PLCL2: variants seen among roughly 807,000 people sequenced by gnomAD.
The protein encoded by PLCL2 is inactive phospholipase C-like protein 2.
A neutral mutation model predicts 79.6 loss-of-function variants in PLCL2; 4 were observed. The ratio of observed to expected loss-of-function variants is 0.05; its 90% CI spans 0.02 to 0.11. The LOEUF is 0.11. PLCL2 is among the 10% of genes least tolerant of loss of function. The probability of loss-of-function intolerance (pLI) is 1.00; values close to 1 mark genes in which losing one functional copy is unlikely to be tolerated. For missense variants in PLCL2, 895 were observed against 1,291.0 expected (o/e 0.69, Z 4.70); for synonymous variants, 484 against 457.7 (o/e 1.06, Z -0.73).
At position 16,990,346 on chromosome 3, in the gene PLCL2, G is replaced by A. The variant is rs541342365; in HGVS notation, c.328-19328G>A. 2.6e-5 allele frequency among the ~76,000 whole-genome samples: 4 copies of A among 152,266 alleles called. No individual in the cohort carries two copies. In the East Asian group the frequency reaches 5.8e-4, roughly 22 times the overall value. ...CCTGACACCCAGTCTTTTTCACTTAGGTACTCTATAAAGGGCTGCCTGAGT... is the reference window on the plus strand; with the variant it reads ...CCTGACACCCAGTCTTTTTCACTTAAGTACTCTATAAAGGGCTGCCTGAGT... On this transcript the variant is annotated intron_variant, in intron 1 of 5. Transcript: ENST00000615277.
At chr3:16,971,775 A>C (rs2063871085) in intron 1 of PLCL2, among the ~76,000 whole-genome samples, 1 of 152,090 alleles carries the variant, frequency 6.6e-6, no homozygotes. Flanking sequence ...GTCCCTTGTA[A>C]GCTGGATTCC....
At chr3:16,966,739 G>T (rs967164706) in intron 1 of PLCL2, among the ~76,000 whole-genome samples, 25 of 152,040 alleles carry the variant, frequency 1.6e-4, no homozygotes, top group Non-Finnish European at 2.8e-4. Flanking sequence ...TCCTGGTTTA[G>T]TCTTGGGAGG....
At chr3:16,933,639 C>A (rs1178661929) in intron 1 of PLCL2, among the ~76,000 whole-genome samples, 1 of 151,600 alleles carries the variant, frequency 6.6e-6, no homozygotes, top group Non-Finnish European at 1.5e-5. Flanking sequence ...TTTTTTTTAA[C>A]CTTACACTAT....
At position 16,886,262 on chromosome 3, in the gene PLCL2, G is replaced by A. The variant is rs1260581492; in HGVS notation, c.327+896G>A. On this transcript the variant is annotated intron_variant, in intron 1 of 5. Transcript: ENST00000615277. The surrounding 1 kb of genome is among the most constrained non-coding windows in gnomAD (Gnocchi z 4.2). Reference sequence around the variant, plus strand: ...AAGAGCAGAGCCTTAGGCAAGACCAGCTCATTCGGCTCGCTCAAGTTTGGA... The same window carrying A: ...AAGAGCAGAGCCTTAGGCAAGACCAACTCATTCGGCTCGCTCAAGTTTGGA... Among the ~76,000 whole-genome samples, 1 of 152,206 alleles carries A rather than the reference G, an allele frequency of 6.6e-6. No homozygotes were observed. Among genetic ancestry groups the A allele is most frequent in the African/African-American group, 2.4e-5 (1 of 41,462 alleles).
At chr3:16,973,697 G>T (rs1475118260) in intron 1 of PLCL2, among the ~76,000 whole-genome samples, 1 of 152,118 alleles carries the variant, frequency 6.6e-6, no homozygotes, top group Admixed American at 6.5e-5. Context: ...GTATTCTGTT[G>T]TGACCTTGGA....
intron 1 of PLCL2, among the ~76,000 whole-genome samples, chr3:16,918,577 AT>A (rs1425580412): frequency 6.6e-6 from 1 of 152,160 alleles, no homozygotes; most frequent in Non-Finnish European, 1.5e-5. Flanking sequence ...AGAGAGATGC[AT>A]TTTGGGGTTT....
intron 1 of PLCL2, among the ~76,000 whole-genome samples, chr3:16,981,550 A>G (rs1041298534): frequency 9.2e-5 from 14 of 152,216 alleles, no homozygotes; most frequent in Admixed American, 2.0e-4. Flanking sequence ...TAATTGTTCT[A>G]TCTTTGTGTA....
At chr3:16,969,914 T>C (rs527673298) in intron 1 of PLCL2, among the ~76,000 whole-genome samples, 128 of 151,982 alleles carry the variant, frequency 8.4e-4, no homozygotes, top group African/African-American at 2.9e-3. Flanking sequence ...ATCTTTGTTC[T>C]CATTACTTGC....
chr3:17,003,024 CT>C (rs1230203258), intron 1 of PLCL2, among the ~76,000 whole-genome samples: 4 of 151,986 alleles, frequency 2.6e-5, no homozygotes, highest in African/African-American at 9.7e-5. Context: ...TCCACTAGAT[CT>C]TTTAACATAT....
At chr3:16,936,271 C>G (rs779318846) in intron 1 of PLCL2, among the ~76,000 whole-genome samples, 1 of 152,130 alleles carries the variant, frequency 6.6e-6, no homozygotes, top group Admixed American at 6.5e-5. Flanking sequence ...CTGGAGTTGC[C>G]TAAATTGTTT....
In PLCL2 at chr3:17,030,186, TA is replaced by T. The variant is rs528229082; in HGVS notation, c.3019-12685del. On this transcript the variant is annotated intron_variant, in intron 3 of 5. Coordinates refer to ENST00000615277, the MANE Select transcript of PLCL2 (RefSeq NM_001144382.2). ...AAGCGATCCTCCAACCTCAACCTCC[TA>T]AAGTGCTGGGATTACAGGTGTGAGC... 6.6e-5 allele frequency among the ~76,000 whole-genome samples: 10 copies of T among 152,168 alleles called. No individual in the cohort carries two copies. In the East Asian group the frequency reaches 1.9e-3, roughly 29 times the overall value.
At chr3:17,008,463 T>C (rs1559516405) in intron 1 of PLCL2, among the ~76,000 whole-genome samples, 1 of 151,902 alleles carries the variant, frequency 6.6e-6, no homozygotes, top group Non-Finnish European at 1.5e-5. Context: ...AGGAAATGGT[T>C]TTTAAACTTT....
intron 1 of PLCL2, among the ~76,000 whole-genome samples, chr3:16,916,670 T>C (rs1697003270): frequency 6.6e-6 from 1 of 152,216 alleles, no homozygotes; most frequent in Non-Finnish European, 1.5e-5. Context: ...ATGATCTTTT[T>C]AATTAAGAGG....
At chr3:17,088,321 G>T (rs1361830925) in intron 5 of PLCL2, among the ~76,000 whole-genome samples, 1 of 152,118 alleles carries the variant, frequency 6.6e-6, no homozygotes. Context: ...ACACTGGGAG[G>T]CAGTTCAGAA....
At chr3:16,915,972 C>T (rs559544735) in intron 1 of PLCL2, among the ~76,000 whole-genome samples, 5 of 152,274 alleles carry the variant, frequency 3.3e-5, no homozygotes, top group South Asian at 4.1e-4. Flanking sequence ...AGGTGATTCA[C>T]GAGCATGTAA....
At chr3:16,965,275 G>A (rs1216174005) in intron 1 of PLCL2, among the ~76,000 whole-genome samples, 1 of 152,158 alleles carries the variant, frequency 6.6e-6, no homozygotes, top group Non-Finnish European at 1.5e-5. Context: ...ATTAAATAGG[G>A]AATCCTTTCT....
At chr3:16,928,300 T>A (rs1697305893) in intron 1 of PLCL2, among the ~76,000 whole-genome samples, 2 of 152,212 alleles carry the variant, frequency 1.3e-5, no homozygotes, top group Non-Finnish European at 1.5e-5. Flanking sequence ...GAGTCCATGT[T>A]GTACATGTTT....
At chr3:17,025,304 T>C (rs1466705803) in intron 3 of PLCL2, among the ~76,000 whole-genome samples, 3 of 152,178 alleles carry the variant, frequency 2.0e-5, no homozygotes, top group Non-Finnish European at 4.4e-5. Flanking sequence ...TCTTATGTAG[T>C]TTAGAGAGGT....
intron 5 of PLCL2, among the ~76,000 whole-genome samples, chr3:17,073,201 T>C (rs980841292): frequency 6.6e-6 from 1 of 152,240 alleles, no homozygotes; most frequent in African/African-American, 2.4e-5. Flanking sequence ...CCTTGGAGAC[T>C]GCTTGATCAG....
Sources: allele counts gnomAD v4.1 joint callset (sites outside exome capture counted in the v4.1 genomes callset), GRCh38; gene constraint gnomAD v4.1.1; non-coding constraint Gnocchi (gnomAD v3.1); transcripts MANE v1.5; gene names NCBI Gene and HGNC (gene_info 2026-07-23, HGNC 2026-07-21).